GGACT: variants seen among roughly 807,000 people sequenced by gnomAD.
GGACT encodes gamma-glutamylamine cyclotransferase.
For missense variants in GGACT, 241 were observed against 233.2 expected (o/e 1.03, Z -0.22); for synonymous variants, 118 against 115.3 (o/e 1.02, Z -0.15).
chr13:100,572,919 T>C (rs921128916), intron 2 of GGACT, among the ~76,000 whole-genome samples: 1 of 152,154 alleles, frequency 6.6e-6, no homozygotes, highest in Non-Finnish European at 1.5e-5. Flanking sequence ...AGGATACAGC[T>C]GCTAAAGGAA....
chr13:100,530,277 A>T lies in GGACT; in HGVS notation c.*1853T>A. The T allele has an allele frequency of 1.1e-6, 1 of 877,466 alleles. No homozygotes were observed. Among genetic ancestry groups the T allele is most frequent in the South Asian group, 1.4e-5 (1 of 71,380 alleles). 54.4% of individuals were successfully genotyped at this position (877,466 alleles called of 1,614,324 possible). A position where few individuals can be genotyped will look rare whatever the true frequency, so the allele number is the denominator to read the frequency against. ...GGAACACCCCTGTGCAGCTACGTTT[A>T]CGTCGTCATTTATTCCACAGAGTCA... On this transcript the variant is annotated 3_prime_UTR_variant, in exon 3 of 3. Transcript: ENST00000683975.
At chr13:100,553,908 G>C (rs1250827464) in intron 2 of GGACT, among the ~76,000 whole-genome samples, 1 of 150,258 alleles carries the variant, frequency 6.7e-6, no homozygotes, top group African/African-American at 2.4e-5. Flanking sequence ...CAGGTACACA[G>C]TGTGTCCACA....
chr13:100,536,063 T>C (rs1323631805), intron 2 of GGACT: 1 of 152,194 alleles, frequency 6.6e-6, no homozygotes, highest in Non-Finnish European at 1.5e-5. Flanking sequence ...ATTCTAGAAA[T>C]CATTTCCCTC....
At chr13:100,532,637 G>A in intron 2 of GGACT, 36 bp from the exon 3 acceptor site, 1 of 1,470,840 alleles carries the variant, frequency 6.8e-7, no homozygotes, top group Non-Finnish European at 9.1e-7. Context: ...TCAGCCCGCA[G>A]TGGGAGCTCT....
chr13:100,582,310 T>TC (rs1303214835), intron 2 of GGACT, among the ~76,000 whole-genome samples: 8 of 152,172 alleles, frequency 5.3e-5, no homozygotes, highest in Non-Finnish European at 1.5e-5. Context: ...TCTCCCTGGC[T>TC]CCCTCTCCAG....
At chr13:100,555,010 A>C (rs1043311893) in intron 2 of GGACT, among the ~76,000 whole-genome samples, 1 of 152,268 alleles carries the variant, frequency 6.6e-6, no homozygotes, top group African/African-American at 2.4e-5. Context: ...AAGAAGAAGT[A>C]GATAACCTGC....
At chr13:100,550,349 CACA>C (rs1566532549) in intron 2 of GGACT, among the ~76,000 whole-genome samples, 2 of 43,478 alleles carry the variant, frequency 4.6e-5, no homozygotes, top group African/African-American at 7.2e-5. Context: ...CACACACACA[CACA>C]CACCACTGGC....
intron 2 of GGACT, among the ~76,000 whole-genome samples, chr13:100,582,427 C>T (rs1469822383): frequency 1.3e-5 from 2 of 152,134 alleles, no homozygotes; most frequent in African/African-American, 4.8e-5. Context: ...CATCCTAATC[C>T]CTGGAACCTA....
At chr13:100,557,312 A>G (rs2088717475) in intron 2 of GGACT, among the ~76,000 whole-genome samples, 1 of 152,238 alleles carries the variant, frequency 6.6e-6, no homozygotes, top group Non-Finnish European at 1.5e-5. Flanking sequence ...ATATGGAATT[A>G]GTGGTGCGGG....
At chr13:100,573,276 C>T (rs1413116042) in intron 2 of GGACT, among the ~76,000 whole-genome samples, 1 of 152,262 alleles carries the variant, frequency 6.6e-6, no homozygotes, top group African/African-American at 2.4e-5. Flanking sequence ...ACACCCTGGA[C>T]TAAGGCCCAA....
intron 2 of GGACT, among the ~76,000 whole-genome samples, chr13:100,577,915 A>C (rs1388541603): frequency 2.0e-5 from 3 of 152,002 alleles, no homozygotes; most frequent in African/African-American, 7.3e-5. Flanking sequence ...AACCAAATTC[A>C]AGGCCAATTT....
rs2088594182 is a variant in GGACT, at chr13:100,545,208, G to A, written c.-10-12607C>T. Among the ~76,000 whole-genome samples the A allele has an allele frequency of 6.6e-6, 1 of 152,248 alleles. No individual in the cohort carries two copies. Among genetic ancestry groups the A allele is most frequent in the African/African-American group, 2.4e-5 (1 of 41,478 alleles). ...AACGCCACCCCCAAGGGAGAGCCCTGACTCCATGCCCACCCCATGCCAAGT... is the reference window on the plus strand; with the variant it reads ...AACGCCACCCCCAAGGGAGAGCCCTAACTCCATGCCCACCCCATGCCAAGT... On this transcript the variant is annotated intron_variant, in intron 2 of 2. Transcript: ENST00000683975. The surrounding 1 kb of genome is among the most constrained non-coding windows in gnomAD (Gnocchi z 4.4).
intron 2 of GGACT, among the ~76,000 whole-genome samples, chr13:100,535,289 C>G (rs978432337): frequency 6.6e-6 from 1 of 152,240 alleles, no homozygotes; most frequent in East Asian, 1.9e-4. Context: ...GGAGGCAACA[C>G]TTTTAAGGCT....
intron 2 of GGACT, among the ~76,000 whole-genome samples, chr13:100,542,805 A>G (rs1358440904): frequency 6.6e-6 from 1 of 152,190 alleles, no homozygotes; most frequent in Non-Finnish European, 1.5e-5. Context: ...CCCATTGCCA[A>G]TATTTGAGAA....
intron 1 of GGACT, among the ~76,000 whole-genome samples, chr13:100,586,234 T>C (rs954640952): frequency 6.6e-6 from 1 of 152,108 alleles, no homozygotes; most frequent in African/African-American, 2.4e-5. Flanking sequence ...TGTTATGTTG[T>C]CTGGAATAAA....
chr13:100,536,624 G>A (rs1262923710), intron 2 of GGACT: 2 of 150,912 alleles, frequency 1.3e-5, no homozygotes, highest in Admixed American at 6.6e-5. Flanking sequence ...CTCTGTTTTG[G>A]TATCTGTGTT....
At chr13:100,582,812 C>T (rs1000121770) in intron 2 of GGACT, among the ~76,000 whole-genome samples, 34 of 152,128 alleles carry the variant, frequency 2.2e-4, no homozygotes, top group Admixed American at 2.0e-3. Flanking sequence ...AGAAGCCAGG[C>T]GGTCTGACAC....
At chr13:100,550,708 C>T (rs2088655226) in intron 2 of GGACT, among the ~76,000 whole-genome samples, 1 of 152,202 alleles carries the variant, frequency 6.6e-6, no homozygotes, top group African/African-American at 2.4e-5. Flanking sequence ...AAAGCCCCAG[C>T]TGTTGCTGTG....
intron 2 of GGACT, among the ~76,000 whole-genome samples, chr13:100,544,804 C>A (rs763320147): frequency 6.6e-6 from 1 of 152,216 alleles, no homozygotes; most frequent in Non-Finnish European, 1.5e-5. Context: ...TGACCAACAA[C>A]GCAGACATGA....
Sources: gnomAD v4.1 joint callset for allele counts (sites outside exome capture counted in the v4.1 genomes callset) on GRCh38, gnomAD v4.1.1 for gene constraint, Gnocchi (gnomAD v3.1) non-coding constraint, MANE v1.5 for transcripts, NCBI Gene and HGNC (gene_info 2026-07-23, HGNC 2026-07-21) for gene names.